IL23R: variants seen among roughly 807,000 people sequenced by gnomAD.
The protein encoded by IL23R is interleukin 23 receptor.
In IL23R, 34 loss-of-function variants were observed where a neutral mutation model predicts 56.9. That is an observed-to-expected ratio of 0.60 (90% CI 0.45 to 0.80). The LOEUF (loss-of-function observed/expected upper bound fraction) is 0.80, where lower values mean the gene tolerates loss of function less well. Ranked by LOEUF, IL23R falls within the 30% of genes least tolerant of loss-of-function variation. The probability of loss-of-function intolerance (pLI) is 0.00; values close to 1 mark genes in which losing one functional copy is unlikely to be tolerated. For synonymous variants in IL23R, 230 were observed against 249.2 expected (o/e 0.92, Z 0.73); for missense variants, 635 against 730.0 (o/e 0.87, Z 1.50).
At chr1:67,260,422 T>C (rs1027506697), downstream of IL23R, among the ~76,000 whole-genome samples, 5 of 152,174 alleles carry the variant, frequency 3.3e-5, no homozygotes, top group South Asian at 1.0e-3. Flanking sequence ...GTACCTGTTT[T>C]GATGGCAAAT....
intron 1 of IL23R, among the ~76,000 whole-genome samples, chr1:67,158,354 G>T (rs1407928366): frequency 6.6e-6 from 1 of 152,238 alleles, no homozygotes; most frequent in African/African-American, 2.4e-5. Flanking sequence ...AGCTGGAGGT[G>T]TTCACTAGAA....
At chr1:67,216,174 C>A (rs1570866371) in intron 6 of IL23R, among the ~76,000 whole-genome samples, 1 of 152,318 alleles carries the variant, frequency 6.6e-6, no homozygotes, top group African/African-American at 2.4e-5. Context: ...TGTTTCAGGG[C>A]ATTTGCCACA....
At chr1:67,148,244 T>G (rs1358133904) in intron 1 of IL23R, among the ~76,000 whole-genome samples, 2 of 152,262 alleles carry the variant, frequency 1.3e-5, no homozygotes, top group Admixed American at 1.3e-4. Flanking sequence ...TCAGCAGTAG[T>G]GGACGGCGAG....
chr1:67,248,899 C>T lies in IL23R; in HGVS notation c.1149-6938C>T, dbSNP rs370966050. The stretch of plus-strand genomic sequence containing the variant: ...CTCCCCGTACAGTCTGTCATGGCTT[C>T]TTTTGACTAGGAAAGGGAAATCCCC... On this transcript the variant is annotated intron_variant, in intron 9 of 10. Coordinates refer to ENST00000347310, the MANE Select transcript of IL23R (RefSeq NM_144701.3). Among the ~76,000 whole-genome samples, 420 of 152,268 alleles carry T rather than the reference C, an allele frequency of 2.8e-3. 2 individuals carry two copies. Among genetic ancestry groups the T allele is most frequent in the African/African-American group, 9.9e-3 (410 of 41,556 alleles).
At chr1:67,243,127 G>A (rs1651961826) in intron 9 of IL23R, among the ~76,000 whole-genome samples, 1 of 152,102 alleles carries the variant, frequency 6.6e-6, no homozygotes, top group Non-Finnish European at 1.5e-5. Context: ...GGCTGTCTTG[G>A]TTCTCCACGA....
At chr1:67,194,377 C>T (rs1647981416) in intron 4 of IL23R, among the ~76,000 whole-genome samples, 1 of 152,120 alleles carries the variant, frequency 6.6e-6, no homozygotes, top group Admixed American at 6.5e-5. Context: ...TATCCAGGAG[C>T]CCCCAGCCAT....
intron 10 of IL23R, 129 bp from the exon 11 acceptor site, chr1:67,258,349 A>G: frequency 1.6e-6 from 1 of 634,348 alleles, no homozygotes; most frequent in Non-Finnish European, 2.7e-6. Flanking sequence ...ATATGGGAAG[A>G]TAAACAATAT....
intron 3 of IL23R, among the ~76,000 whole-genome samples, chr1:67,178,213 T>TG (rs1186652757): frequency 1.2e-4 from 19 of 152,130 alleles, no homozygotes; most frequent in African/African-American, 4.3e-4. Context: ...TTGGGCAGTA[T>TG]GGCCATTTTC....
rs778559016 is a variant in IL23R at position 67,236,673 on chromosome 1, C to T, written c.956-40C>T. ...GTTGGGAAATTTGGCAAGCAGAGTG[C>T]AAAATGTAAGAAACTGACACTCTTT... On this transcript the variant is annotated intron_variant, in intron 7 of 10. Transcript: ENST00000347310. The T allele has an allele frequency of 8.6e-6, 12 of 1,395,824 alleles. No homozygotes were observed. The Middle Eastern group carries it at 7.1e-4, about 82-fold the overall frequency. 86.5% of individuals were successfully genotyped at this position (1,395,824 alleles called of 1,614,324 possible). A position where few individuals can be genotyped will look rare whatever the true frequency, so the allele number is the denominator to read the frequency against.
intron 1 of IL23R, among the ~76,000 whole-genome samples, chr1:67,161,296 C>T (rs1447358292): frequency 1.3e-5 from 2 of 152,142 alleles, no homozygotes; most frequent in Admixed American, 6.5e-5. Flanking sequence ...CCTCTATTTA[C>T]GTTCCTTTCC....
At chr1:67,262,108 G>A (rs547707092), downstream of IL23R, among the ~76,000 whole-genome samples, 1 of 152,318 alleles carries the variant, frequency 6.6e-6, no homozygotes, top group East Asian at 1.9e-4. Flanking sequence ...GGGAGAAAGG[G>A]TTTCTTTCTA....
intron 3 of IL23R, among the ~76,000 whole-genome samples, chr1:67,180,861 T>C (rs1203953179): frequency 6.6e-6 from 1 of 152,208 alleles, no homozygotes; most frequent in African/African-American, 2.4e-5. Context: ...AAGTATTTTA[T>C]TTCTCCTTCA....
intron 4 of IL23R, 108 bp downstream of exon 4, chr1:67,183,067 C>A: frequency 8.3e-7 from 1 of 1,200,176 alleles, no homozygotes; most frequent in Non-Finnish European, 1.2e-6. Flanking sequence ...AAATATATAC[C>A]CTGATTTATC....
intron 7 of IL23R, 110 bp from the exon 8 acceptor site, chr1:67,236,603 G>A (rs1651490920): frequency 1.4e-6 from 1 of 735,376 alleles, no homozygotes; most frequent in Non-Finnish European, 2.5e-6. Flanking sequence ...GCCCATTAAA[G>A]TTATTGGTTT....
In IL23R at chr1:67,169,614, T is replaced by G. The variant is rs746144971; in HGVS notation, c.343T>G (p.Cys115Gly). 3.7e-6 allele frequency: 6 copies of G among 1,614,162 alleles called. No individual in the cohort carries two copies. Among genetic ancestry groups the G allele is most frequent in the African/African-American group, 1.3e-5 (1 of 75,066 alleles). Residue 115 changes from cysteine to glycine, a missense_variant, in exon 3 of 11, where the codon TGT becomes GGT. Transcript: ENST00000347310. Reference sequence around the variant, plus strand: ...CAAACATTTTCAAGAGACACTGATATGTGGAAAAGACATTTCTTCTGGATG... The same window carrying G: ...CAAACATTTTCAAGAGACACTGATAGGTGGAAAAGACATTTCTTCTGGATG... ...CPKHFQETLI[C>G]GKDISSGYPP...
downstream of IL23R, among the ~76,000 whole-genome samples, chr1:67,263,753 A>G (rs771398052): frequency 2.6e-5 from 4 of 152,226 alleles, no homozygotes; most frequent in South Asian, 2.1e-4. Context: ...TCGACTAAAA[A>G]TACAAAACTT....
intron 7 of IL23R, among the ~76,000 whole-genome samples, chr1:67,223,124 G>A (rs1650409058): frequency 6.6e-6 from 1 of 151,978 alleles, no homozygotes; most frequent in Non-Finnish European, 1.5e-5. Flanking sequence ...TGTGGTGGCA[G>A]GTGCCTGTAA....
In IL23R at chr1:67,169,371, A is replaced by G. The variant is rs1156783916; in HGVS notation, c.100A>G (p.Ile34Val). The G allele has an allele frequency of 6.2e-7, 1 of 1,612,820 alleles. No individual in the cohort carries two copies. Among genetic ancestry groups the G allele is most frequent in the East Asian group, 2.2e-5 (1 of 44,862 alleles). ...TACAAATATAAACTGCTCTGGCCAC[A>G]TCTGGGTAGAACCAGCCACAATTTT... ...GITNINCSGH[I>V]WVEPATIFKM... The change falls in exon 3 of 11, where the codon ATC (isoleucine) becomes GTC (valine). Residue 34 changes from isoleucine to valine, a missense_variant. Physicochemically the swap from Ile to Val is conservative, Grantham distance 29. Transcript: ENST00000347310.
chr1:67,203,466 C>T (rs1008168259), intron 5 of IL23R, among the ~76,000 whole-genome samples: 4 of 152,050 alleles, frequency 2.6e-5, no homozygotes, highest in Admixed American at 1.3e-4. Flanking sequence ...TTTCCTTCTT[C>T]TCCTTCTTTC....
Sources: gnomAD v4.1 joint callset for allele counts (sites outside exome capture counted in the v4.1 genomes callset) on GRCh38, gnomAD v4.1.1 for gene constraint, MANE v1.5 for transcripts, NCBI Gene and HGNC (gene_info 2026-07-23, HGNC 2026-07-21) for gene names.